Variants in MAPKAPK2 observed in about 807,000 individuals in gnomAD.
The protein encoded by MAPKAPK2 is MAP kinase-activated protein kinase 2.
A neutral mutation model predicts 48.8 loss-of-function variants in MAPKAPK2; 9 were observed. The observed-to-expected ratio is 0.18, with a 90% confidence interval of 0.11 to 0.32. The LOEUF (loss-of-function observed/expected upper bound fraction) is 0.32, where lower values mean the gene tolerates loss of function less well. Ranked by LOEUF, MAPKAPK2 falls within the 10% of genes least tolerant of loss-of-function variation. MAPKAPK2 has a pLI of 1.00. For missense variants in MAPKAPK2, 331 were observed against 498.3 expected (o/e 0.66, Z 3.20); for synonymous variants, 202 against 190.6 (o/e 1.06, Z -0.49).
At chr1:206,688,684 T>G (rs3935564) in intron 1 of MAPKAPK2, among the ~76,000 whole-genome samples, 26,366 of 152,090 alleles carry the variant, frequency 0.17, 2,499 homozygotes, top group Non-Finnish European at 0.22. Context: ...GTCGCCCAGG[T>G]TAGAGTGCAG....
chr1:206,712,863 G>A (rs1187077349), intron 1 of MAPKAPK2, among the ~76,000 whole-genome samples: 5 of 151,796 alleles, frequency 3.3e-5, no homozygotes, highest in Non-Finnish European at 7.4e-5. Context: ...CTACTCAGGA[G>A]GCTGAGGCAC....
intron 1 of MAPKAPK2, among the ~76,000 whole-genome samples, chr1:206,722,904 T>C (rs1411844791): frequency 3.3e-5 from 5 of 152,096 alleles, no homozygotes; most frequent in African/African-American, 1.2e-4. Context: ...CCAGAGTGGG[T>C]GGCCCTGGCC....
chr1:206,713,004 A>ACACACACACT (rs1343757318), intron 1 of MAPKAPK2, among the ~76,000 whole-genome samples: 22 of 151,352 alleles, frequency 1.5e-4, no homozygotes, highest in African/African-American at 5.3e-4. Context: ...ACACACACAC[A>ACACACACACT]CTAATAGGTT....
intron 1 of MAPKAPK2, among the ~76,000 whole-genome samples, chr1:206,703,673 C>T (rs936587297): frequency 3.9e-5 from 6 of 152,184 alleles, no homozygotes; most frequent in Admixed American, 6.5e-5. Flanking sequence ...TTCCGTAATG[C>T]CTGGTAATAT....
At chr1:206,707,841 A>T (rs2102393577) in intron 1 of MAPKAPK2, among the ~76,000 whole-genome samples, 1 of 152,332 alleles carries the variant, frequency 6.6e-6, no homozygotes, top group Non-Finnish European at 1.5e-5. Context: ...TTGAGAATAC[A>T]GTGATGTAAC....
At chr1:206,691,504 T>TATATATATATATATATATATATCTATAC (rs1424297313) in intron 1 of MAPKAPK2, among the ~76,000 whole-genome samples, 1 of 112,150 alleles carries the variant, frequency 8.9e-6, no homozygotes, top group Non-Finnish European at 2.0e-5. Flanking sequence ...TATATATATA[T>TATATATATATATATATATATATCTATAC]ACACACATAC....
At chr1:206,709,871 A>C (rs534402693) in intron 1 of MAPKAPK2, among the ~76,000 whole-genome samples, 1 of 152,244 alleles carries the variant, frequency 6.6e-6, no homozygotes, top group East Asian at 1.9e-4. Flanking sequence ...GCAACCATCT[A>C]TCTACCCATG....
intron 1 of MAPKAPK2, chr1:206,696,005 G>T: frequency 1.3e-6 from 1 of 773,884 alleles, no homozygotes; most frequent in East Asian, 2.5e-5. Flanking sequence ...CGATGTGTAG[G>T]GCAGTGATAC....
chr1:206,721,109 G>A (rs142956777), intron 1 of MAPKAPK2, among the ~76,000 whole-genome samples: 83 of 152,300 alleles, frequency 5.4e-4, no homozygotes, highest in African/African-American at 1.2e-3. Flanking sequence ...TAGGTCCCTC[G>A]TGAATGGCTT....
chr1:206,706,908 C>T (rs1672977210), intron 1 of MAPKAPK2, among the ~76,000 whole-genome samples: 1 of 151,918 alleles, frequency 6.6e-6, no homozygotes, highest in African/African-American at 2.4e-5. Flanking sequence ...GAAGGCAGGG[C>T]AGTGTCTGAG....
At chr1:206,723,255 T>G (rs1191833796) in intron 1 of MAPKAPK2, among the ~76,000 whole-genome samples, 1 of 152,134 alleles carries the variant, frequency 6.6e-6, no homozygotes, top group Non-Finnish European at 1.5e-5. Flanking sequence ...TTGAAATGGG[T>G]GTAATGGAAT....
rs1553432921 is a variant in MAPKAPK2 at position 206,732,686 on chromosome 1, C to T, written c.1171C>T (p.Arg391Trp). 3.1e-6 allele frequency: 5 copies of T among 1,614,092 alleles called. No individual in the cohort carries two copies. The highest frequency in any genetic ancestry group is 1.3e-5 in the African/African-American group (1 of 74,934). ...PLLLKRRKKA[R>W]ALEAAALAH ...GCTGCTGAAGAGGCGGAAGAAAGCT[C>T]GGGCCCTGGAGGCTGCGGCTCTGGC... The change falls in exon 10 of 10, where the codon CGG becomes TGG. Residue 391 changes from arginine (R) to tryptophan (W), a missense_variant. Arg to Trp is a moderately radical substitution (Grantham distance 101). This residue lies in a region of MAPKAPK2 where 124 missense variants were observed against 194.6 expected (regional missense o/e 0.64). Coordinates refer to ENST00000367103, the MANE Select transcript of MAPKAPK2 (RefSeq NM_032960.4). This position sits in a 1 kb window ranked among gnomAD's most constrained non-coding sequence, Gnocchi z 4.4.
At position 206,685,605 on chromosome 1, in the gene MAPKAPK2, G is replaced by T. The variant is rs1254270164; in HGVS notation, c.279+97G>T. ...GTCCCGGCCTGGGTCGCGGCGCGGG[G>T]CGGAGGGGTGGCCGCGGCGGGGCGG... On this transcript the variant is annotated intron_variant, in intron 1 of 9. Transcript: ENST00000367103. 36 of 1,005,196 alleles carry T rather than the reference G, an allele frequency of 3.6e-5. No homozygotes were observed. The African/African-American group carries it at 4.6e-4, about 13-fold the overall frequency. The allele number at this position is 1,005,196 out of a possible 1,614,324, so 62.3% of individuals were successfully genotyped here.
intron 1 of MAPKAPK2, among the ~76,000 whole-genome samples, chr1:206,716,923 A>G (rs1247478962): frequency 6.6e-6 from 1 of 152,076 alleles, no homozygotes; most frequent in African/African-American, 2.4e-5. Context: ...CTGGTCTCCT[A>G]GGGAAAGATG....
intron 1 of MAPKAPK2, among the ~76,000 whole-genome samples, chr1:206,697,201 A>G (rs782530185): frequency 1.2e-4 from 19 of 152,200 alleles, no homozygotes; most frequent in Non-Finnish European, 2.1e-4. Context: ...GGAGCTTGCC[A>G]ACTTTCCTAC....
intron 1 of MAPKAPK2, among the ~76,000 whole-genome samples, chr1:206,717,832 T>G (rs1336034863): frequency 2.0e-5 from 3 of 151,618 alleles, no homozygotes; most frequent in Non-Finnish European, 4.4e-5. Context: ...ATTCAGATGG[T>G]AAAGGTTCAA....
At chr1:206,689,272 C>T (rs1672379742) in intron 1 of MAPKAPK2, among the ~76,000 whole-genome samples, 1 of 152,142 alleles carries the variant, frequency 6.6e-6, no homozygotes, top group South Asian at 2.1e-4. Context: ...AGTGCCACTG[C>T]GATGTGGCTT....
intron 1 of MAPKAPK2, among the ~76,000 whole-genome samples, chr1:206,699,209 ATGGTG>A (rs1553427524): frequency 1.3e-5 from 2 of 152,128 alleles, no homozygotes; most frequent in Admixed American, 1.3e-4. Context: ...TGTAGGCCAG[ATGGTG>A]TGGTTCCTCG....
rs189778758 is a variant in MAPKAPK2 at position 206,689,083 on chromosome 1, A to G, written c.279+3575A>G. Among the ~76,000 whole-genome samples the G allele has an allele frequency of 3.3e-3, 508 of 152,308 alleles. 1 individual carries two copies. The highest frequency in any genetic ancestry group is 0.012 in the African/African-American group (496 of 41,554). On this transcript the variant is annotated intron_variant, in intron 1 of 9. Transcript: ENST00000367103. The stretch of plus-strand genomic sequence containing the variant: ...CTCAACAAATTTAATTAAAGACTGT[A>G]TCGTTGTTCTCTGCTGTGCAACTCT...
Sources: gnomAD v4.1 joint callset for allele counts (sites outside exome capture counted in the v4.1 genomes callset) on GRCh38, gnomAD v4.1.1 for gene constraint, gnomAD v4.1.1 regional missense constraint, Gnocchi (gnomAD v3.1) non-coding constraint, MANE v1.5 for transcripts, NCBI Gene and HGNC (gene_info 2026-07-23, HGNC 2026-07-21) for gene names.